NPR3: variants seen among roughly 807,000 people sequenced by gnomAD.
NPR3 encodes natriuretic peptide receptor 3, also known as atrial natriuretic peptide receptor 3.
Under a neutral mutation model 54.5 loss-of-function variants are expected in NPR3, and 34 were observed. The observed-to-expected ratio is 0.62, with a 90% CI of 0.47 to 0.83. The LOEUF is 0.83. Among genes scored for constraint, NPR3 ranks in the 40% least tolerant of loss-of-function variants. NPR3 has a pLI of 0.00. For missense variants in NPR3, 674 were observed against 720.8 expected (o/e 0.94, Z 0.74); for synonymous variants, 289 against 297.1 (o/e 0.97, Z 0.28).
chr5:32,710,636 G>C (rs1168543781), upstream of NPR3: 19 of 1,464,750 alleles, frequency 1.3e-5, no homozygotes, highest in Admixed American at 2.5e-5. Context: ...GGTGACGCCC[G>C]GGCCAGCCGG....
intron 3 of NPR3, among the ~76,000 whole-genome samples, chr5:32,769,346 C>T (rs1741633852): frequency 6.6e-6 from 1 of 152,180 alleles, no homozygotes; most frequent in African/African-American, 2.4e-5. Context: ...AGACTACTTC[C>T]TTCTGCTATC....
At chr5:32,723,917 T>C (rs576666649) in intron 1 of NPR3, among the ~76,000 whole-genome samples, 1 of 152,160 alleles carries the variant, frequency 6.6e-6, no homozygotes, top group African/African-American at 2.4e-5. Flanking sequence ...TCTCCTCTTT[T>C]CTACCCATCT....
At chr5:32,764,807 A>AG (rs1741366691) in intron 3 of NPR3, among the ~76,000 whole-genome samples, 1 of 148,184 alleles carries the variant, frequency 6.7e-6, no homozygotes, top group African/African-American at 2.5e-5. Flanking sequence ...AAAAAAAAAA[A>AG]AAAAAAAAAG....
intron 1 of NPR3, among the ~76,000 whole-genome samples, chr5:32,720,385 T>C (rs992368388): frequency 6.6e-6 from 1 of 152,136 alleles, no homozygotes; most frequent in African/African-American, 2.4e-5. Flanking sequence ...GAAATAAGTA[T>C]CCCCCCAATT....
At chr5:32,738,757 C>T in intron 2 of NPR3, 107 bp from the exon 3 acceptor site, 1 of 910,008 alleles carries the variant, frequency 1.1e-6, no homozygotes, top group Admixed American at 2.3e-5. Flanking sequence ...TACTTCTCTT[C>T]CTGGTTGCCA....
intron 1 of NPR3, among the ~76,000 whole-genome samples, chr5:32,697,972 G>GT (rs1740574817): frequency 6.6e-6 from 1 of 151,400 alleles, no homozygotes; most frequent in African/African-American, 2.4e-5. Context: ...TGTTTTCTTT[G>GT]TTTCTGTTTC....
At chr5:32,693,334 C>A (rs982646289) in intron 1 of NPR3, among the ~76,000 whole-genome samples, 16 of 151,790 alleles carry the variant, frequency 1.1e-4, no homozygotes, top group African/African-American at 2.7e-4. Flanking sequence ...TCTTTAAATT[C>A]TTATAAATTC....
chr5:32,755,092 C>T (rs536284455), intron 3 of NPR3, among the ~76,000 whole-genome samples: 1 of 152,292 alleles, frequency 6.6e-6, no homozygotes, highest in South Asian at 2.1e-4. Flanking sequence ...GATCTCCTGA[C>T]CTCGTGATCC....
Position 32,711,521 on chromosome 5 carries a change from C to A in NPR3, c.-256C>A. ...TACAAGTATATATATATGTATATTA[C>A]AGACGCACAGGTTTACACCCGGTGA... is the stretch of plus-strand genomic sequence containing the variant. On this transcript the variant is annotated 5_prime_UTR_variant, in exon 1 of 8. Transcript: ENST00000265074. 1 of 1,194,754 alleles carries A rather than the reference C, an allele frequency of 8.4e-7. No homozygotes were observed. Among genetic ancestry groups the A allele is most frequent in the Non-Finnish European group, 1.0e-6 (1 of 964,326 alleles). The allele number at this position is 1,194,754 out of a possible 1,614,324, so 74.0% of individuals were successfully genotyped here.
rs543707234 is a variant in NPR3, at chr5:32,751,791, T to C, written c.1059+12761T>C. Among the ~76,000 whole-genome samples the C allele has an allele frequency of 4.6e-5, 7 of 152,248 alleles. No individual in the cohort carries two copies. The South Asian group carries it at 1.5e-3, about 32-fold the overall frequency. On this transcript the variant is annotated intron_variant, in intron 3 of 7. Coordinates refer to ENST00000265074, the MANE Select transcript of NPR3 (RefSeq NM_001204375.2). ...GCCAAGGTGTTTGAAAGGGACTGGATTTAAAAAGTAATTGTTTAGAATAGC... is the reference window on the plus strand; with the variant it reads ...GCCAAGGTGTTTGAAAGGGACTGGACTTAAAAAGTAATTGTTTAGAATAGC...
At chr5:32,728,086 A>T (rs1048789367) in intron 2 of NPR3, among the ~76,000 whole-genome samples, 3 of 152,166 alleles carry the variant, frequency 2.0e-5, no homozygotes, top group Admixed American at 6.6e-5. Flanking sequence ...TGTCATGATG[A>T]TTTTTCAAAA....
chr5:32,724,504 G>A (rs1561086157), intron 1 of NPR3, among the ~76,000 whole-genome samples, 194 bp from the exon 2 acceptor site: 1 of 152,152 alleles, frequency 6.6e-6, no homozygotes, highest in African/African-American at 2.4e-5. Flanking sequence ...GGTGATGTTG[G>A]CTTCCATCTC....
intron 3 of NPR3, among the ~76,000 whole-genome samples, chr5:32,761,474 G>T (rs1191346478): frequency 6.6e-6 from 1 of 152,004 alleles, no homozygotes; most frequent in Non-Finnish European, 1.5e-5. Flanking sequence ...ATTGTTCATT[G>T]CTAGTATATA....
chr5:32,691,199 T>A (rs768234120), intron 1 of NPR3, among the ~76,000 whole-genome samples: 4 of 152,242 alleles, frequency 2.6e-5, no homozygotes, highest in Admixed American at 1.3e-4. Context: ...AGAGAAGTTA[T>A]GGCTTGGGTA....
At chr5:32,713,586 C>A in intron 1 of NPR3, 1 of 603,838 alleles carries the variant, frequency 1.7e-6, no homozygotes, top group Non-Finnish European at 2.1e-6. Flanking sequence ...GTGGTGCAAT[C>A]CCGGCAAAGC....
rs760115815 is a variant in NPR3, at chr5:32,738,895, C to T, written c.924C>T (p.His308=). 36 of 1,613,626 alleles carry T rather than the reference C, an allele frequency of 2.2e-5. No individual in the cohort carries two copies. The highest frequency in any genetic ancestry group is 1.6e-4 in the Middle Eastern group (1 of 6,084). Residue 308 remains histidine (H), a synonymous_variant, in exon 3 of 8, where the codon CAC becomes CAT. Coordinates refer to ENST00000265074, the MANE Select transcript of NPR3 (RefSeq NM_001204375.2). The part of the protein sequence containing the change: ...GDGSWKRGDK[H]DFEAKQAYSS... ...GCTCATGGAAGAGAGGAGACAAACACGACTTTGAAGCTAAGCAAGCATACT... is the reference window on the plus strand; with the variant it reads ...GCTCATGGAAGAGAGGAGACAAACATGACTTTGAAGCTAAGCAAGCATACT...
At chr5:32,713,543 C>T in intron 1 of NPR3, 2 of 883,278 alleles carry the variant, frequency 2.3e-6, no homozygotes, top group Non-Finnish European at 2.7e-6. Flanking sequence ...CCCGTCTCTG[C>T]TCCCCCTTGG....
At chr5:32,748,562 G>C (rs974804561) in intron 3 of NPR3, among the ~76,000 whole-genome samples, 5 of 152,194 alleles carry the variant, frequency 3.3e-5, no homozygotes, top group Non-Finnish European at 7.3e-5. Flanking sequence ...GAGGCAAAGG[G>C]AAAGTGGGAG....
At chr5:32,719,167 G>C (rs1218171920) in intron 1 of NPR3, among the ~76,000 whole-genome samples, 2 of 152,064 alleles carry the variant, frequency 1.3e-5, no homozygotes, top group Non-Finnish European at 2.9e-5. Flanking sequence ...ATTGATTTGC[G>C]TATGTTGAAC....
Sources: gnomAD v4.1 joint callset for allele counts (sites outside exome capture counted in the v4.1 genomes callset) on GRCh38, gnomAD v4.1.1 for gene constraint, MANE v1.5 for transcripts, NCBI Gene and HGNC (gene_info 2026-07-23, HGNC 2026-07-21) for gene names.